Variants in RTTN observed in about 807,000 individuals in gnomAD.
RTTN encodes the protein rotatin.
A neutral mutation model predicts 269.2 loss-of-function variants in RTTN; 182 were observed. The ratio of observed to expected loss-of-function variants is 0.68; its 90% CI spans 0.60 to 0.76. The LOEUF is 0.76. Among genes scored for constraint, RTTN ranks in the 30% least tolerant of loss-of-function variants. The pLI, the probability that RTTN is intolerant of heterozygous loss-of-function variation, is 0.00. For missense variants in RTTN, 2,545 were observed against 2,608.6 expected (o/e 0.98, Z 0.53); for synonymous variants, 1,006 against 963.5 (o/e 1.04, Z -0.82).
chr18:70,131,899 G>A (rs753407562), intron 23 of RTTN: 1 of 151,378 alleles, frequency 6.6e-6, no homozygotes, highest in Non-Finnish European at 1.5e-5. Context: ...CATTAAAACT[G>A]TAAATAATGT....
At chr18:70,101,678 A>G (rs7232268) in intron 28 of RTTN, among the ~76,000 whole-genome samples, 129,449 of 152,110 alleles carry the variant, frequency 0.85, 57,308 homozygotes, top group East Asian at 1. Flanking sequence ...TAGGGTGTCA[A>G]TTTTAGATCT....
chr18:70,024,400 T>G (rs2056792772), intron 44 of RTTN, among the ~76,000 whole-genome samples: 1 of 152,170 alleles, frequency 6.6e-6, no homozygotes, highest in African/African-American at 2.4e-5. Context: ...AGTTCTAACC[T>G]TCACGTGGCT....
intron 48 of RTTN, among the ~76,000 whole-genome samples, chr18:70,004,514 T>A (rs145054997): frequency 6.6e-6 from 1 of 152,114 alleles, no homozygotes; most frequent in Non-Finnish European, 1.5e-5. Flanking sequence ...ATGAATGCCA[T>A]TAATCTTTTT....
intron 10 of RTTN, among the ~76,000 whole-genome samples, chr18:70,187,140 CAAG>C (rs949663806): frequency 1.3e-5 from 2 of 152,126 alleles, no homozygotes; most frequent in African/African-American, 4.8e-5. Flanking sequence ...TAATATCCAT[CAAG>C]AGACTAGGTT....
intron 40 of RTTN, among the ~76,000 whole-genome samples, chr18:70,036,651 G>A (rs993444865): frequency 1.3e-5 from 2 of 152,010 alleles, no homozygotes; most frequent in Non-Finnish European, 2.9e-5. Flanking sequence ...CATGATACAA[G>A]TTTACCTATA....
At chr18:70,068,527 TC>T (rs2058207473) in intron 34 of RTTN, among the ~76,000 whole-genome samples, 1 of 152,108 alleles carries the variant, frequency 6.6e-6, no homozygotes, top group Admixed American at 6.5e-5. Flanking sequence ...TTCTCCCTGA[TC>T]CCCCTGTGTC....
At chr18:70,079,747 T>A (rs1338809936) in intron 32 of RTTN, among the ~76,000 whole-genome samples, 4 of 152,078 alleles carry the variant, frequency 2.6e-5, no homozygotes, top group Non-Finnish European at 4.4e-5. Context: ...CAAAGAAAAC[T>A]GCAAATTAAT....
intron 14 of RTTN, among the ~76,000 whole-genome samples, chr18:70,161,292 G>A (rs370064038): frequency 1.6e-4 from 25 of 152,186 alleles, no homozygotes; most frequent in South Asian, 1.5e-3. Flanking sequence ...CTGGTTAGGC[G>A]TATTCAAAAG....
intron 18 of RTTN, among the ~76,000 whole-genome samples, chr18:70,142,938 T>C (rs899489312): frequency 2.0e-5 from 3 of 152,124 alleles, no homozygotes; most frequent in African/African-American, 7.2e-5. Context: ...GACAGGAGAA[T>C]CGCTTGAACC....
At chr18:70,176,959 A>G (rs1285898931) in intron 10 of RTTN, 114 bp from the exon 11 acceptor site, 4 of 718,460 alleles carry the variant, frequency 5.6e-6, no homozygotes, top group Admixed American at 6.6e-5. Flanking sequence ...ATAGGAAAAC[A>G]AATCAAAACA....
At chr18:70,006,122 A>G (rs1232428516) in intron 47 of RTTN, 1 of 344,120 alleles carries the variant, frequency 2.9e-6, no homozygotes, top group Non-Finnish European at 5.3e-6. Flanking sequence ...TAATAAAGTA[A>G]ATCAATTTAA....
intron 33 of RTTN, 71 bp downstream of exon 33, chr18:70,075,281 A>G: frequency 2.7e-6 from 3 of 1,100,624 alleles, no homozygotes; most frequent in East Asian, 2.8e-5. Flanking sequence ...TTTAAAACAA[A>G]TATATGTATT....
At chr18:70,087,470 T>G (rs1258777416) in intron 31 of RTTN, among the ~76,000 whole-genome samples, 3 of 151,874 alleles carry the variant, frequency 2.0e-5, no homozygotes, top group Non-Finnish European at 4.4e-5. Context: ...GGAGCTGCTG[T>G]TTTTTTTCAT....
In RTTN at chr18:70,057,757, T is replaced by C; in HGVS notation, c.5016A>G (p.Glu1672=). The C allele has an allele frequency of 6.2e-7, 1 of 1,613,562 alleles. No individual in the cohort carries two copies. The highest frequency in any genetic ancestry group is 8.5e-7 in the Non-Finnish European group (1 of 1,179,592). ...RALLPSSPPA[E]HTQAQVSFLL... ...AGATGCTTACCTGAGCCTGAGTGTG[T>C]TCAGCTGGAGGTGATGAAGGCAGCA... Residue 1672 remains glutamate, a synonymous_variant, in exon 37 of 49, where the codon GAA becomes GAG. Coordinates refer to ENST00000640769, the MANE Select transcript of RTTN (RefSeq NM_173630.4).
chr18:70,034,084 A>G (rs1161408900), intron 40 of RTTN, among the ~76,000 whole-genome samples: 1 of 152,174 alleles, frequency 6.6e-6, no homozygotes, highest in African/African-American at 2.4e-5. Context: ...ACACCATAAA[A>G]GCCATGGATC....
rs144704191 is a variant in RTTN at position 70,101,262 on chromosome 18, T to C, written c.3903+8236A>G. 5.0e-3 allele frequency among the ~76,000 whole-genome samples: 766 copies of C among 152,322 alleles called. 6 individuals carry two copies. The highest frequency in any genetic ancestry group is 0.017 in the African/African-American group (726 of 41,566). ...ATTGCCTCAATTTCAGAGCCTGTTA[T>C]TGATCTATTCAGAAATTGAACTTCT... On this transcript the variant is annotated intron_variant, in intron 28 of 48. Coordinates refer to ENST00000640769, the MANE Select transcript of RTTN (RefSeq NM_173630.4).
At chr18:70,110,529 T>C (rs1193094710) in intron 27 of RTTN, among the ~76,000 whole-genome samples, 2 of 152,284 alleles carry the variant, frequency 1.3e-5, no homozygotes, top group Middle Eastern at 3.4e-3. Flanking sequence ...CCTGCACAGA[T>C]ACTGCGCTTG....
At chr18:70,076,066 C>T (rs2145080118) in intron 32 of RTTN, among the ~76,000 whole-genome samples, 1 of 152,118 alleles carries the variant, frequency 6.6e-6, no homozygotes, top group Non-Finnish European at 1.5e-5. Flanking sequence ...AAAACACACA[C>T]ATGTATACAT....
intron 33 of RTTN, chr18:70,074,894 A>G (rs1255520991): frequency 6.6e-6 from 1 of 151,960 alleles, no homozygotes. Flanking sequence ...CATGAGCAAA[A>G]TGAATTAGAA....
Sources: allele counts gnomAD v4.1 joint callset (sites outside exome capture counted in the v4.1 genomes callset), GRCh38; gene constraint gnomAD v4.1.1; transcripts MANE v1.5; gene names NCBI Gene and HGNC (gene_info 2026-07-23, HGNC 2026-07-21).